PTGER4: variants seen among roughly 807,000 people sequenced by gnomAD.
The protein encoded by PTGER4 is prostaglandin E receptor 4.
PTGER4 carries 11 observed loss-of-function variants against 33.2 expected under a neutral mutation model. The observed-to-expected ratio is 0.33, with a 90% CI of 0.21 to 0.55. PTGER4 has a LOEUF of 0.55. Ranked by LOEUF, PTGER4 falls within the 20% of genes least tolerant of loss-of-function variation. PTGER4 has a pLI of 0.92. For synonymous variants in PTGER4, 275 were observed against 281.5 expected (o/e 0.98, Z 0.23); for missense variants, 481 against 650.2 (o/e 0.74, Z 2.83).
chr5:40,721,295 C>A, the PTGER4 span, among the ~76,000 whole-genome samples: 1 of 152,076 alleles, frequency 6.6e-6, no homozygotes, highest in Non-Finnish European at 1.5e-5. Flanking sequence ...AGTAAATGGA[C>A]AAAATCAATT....
the PTGER4 span, among the ~76,000 whole-genome samples, chr5:40,741,517 ACTTCTGGAG>A: frequency 1.1e-4 from 16 of 152,132 alleles, no homozygotes; most frequent in African/African-American, 3.9e-4. Context: ...GACCTCATAG[ACTTCTGGAG>A]CTTTTTCTCT....
chr5:40,685,975 G>A (rs1454395247), intron 2 of PTGER4, among the ~76,000 whole-genome samples: 1 of 152,094 alleles, frequency 6.6e-6, no homozygotes, highest in Non-Finnish European at 1.5e-5. Context: ...TCAGTGTAGA[G>A]GTTGACCTAT....
chr5:40,722,645 G>T, the PTGER4 span, among the ~76,000 whole-genome samples: 1 of 151,616 alleles, frequency 6.6e-6, no homozygotes, highest in Admixed American at 6.6e-5. Context: ...GCCCCGTCTG[G>T]GAAGTGAGGC....
At chr5:40,689,463 GA>G in intron 2 of PTGER4, among the ~76,000 whole-genome samples, 1 of 152,018 alleles carries the variant, frequency 6.6e-6, no homozygotes, top group South Asian at 2.1e-4. Flanking sequence ...TTTAAAGGAA[GA>G]AAAAAATAAT....
At chr5:40,699,194 G>GAAAA in the PTGER4 span, among the ~76,000 whole-genome samples, 13 of 144,556 alleles carry the variant, frequency 9.0e-5, no homozygotes, top group African/African-American at 3.3e-4. Flanking sequence ...AGATAAGTTG[G>GAAAA]AAAAAAAAAA....
intron 2 of PTGER4, among the ~76,000 whole-genome samples, chr5:40,685,888 G>A (rs758087084): frequency 3.3e-5 from 5 of 151,868 alleles, no homozygotes; most frequent in African/African-American, 7.3e-5. Flanking sequence ...CAGCCCTGAC[G>A]TGATTCTTGT....
At chr5:40,726,027 C>T in the PTGER4 span, among the ~76,000 whole-genome samples, 2 of 151,556 alleles carry the variant, frequency 1.3e-5, no homozygotes, top group Admixed American at 6.6e-5. Flanking sequence ...CCTTGTGATC[C>T]GCCCGCCTCG....
the PTGER4 span, among the ~76,000 whole-genome samples, chr5:40,738,239 C>G: frequency 6.6e-6 from 1 of 151,796 alleles, no homozygotes; most frequent in East Asian, 1.9e-4. Flanking sequence ...CGGTGAAACC[C>G]TGTCTCTACT....
At chr5:40,701,693 T>G in the PTGER4 span, among the ~76,000 whole-genome samples, 1 of 152,174 alleles carries the variant, frequency 6.6e-6, no homozygotes, top group Admixed American at 6.5e-5. Flanking sequence ...TCCTATAAAA[T>G]TCTGCACAAG....
the PTGER4 span, chr5:40,728,540 A>G: frequency 6.9e-7 from 1 of 1,439,580 alleles, no homozygotes; most frequent in Non-Finnish European, 9.3e-7. Flanking sequence ...CTACATAAAA[A>G]ACCCTTTTCA....
In PTGER4 at chr5:40,681,783, G is replaced by A. The variant is rs919116348; in HGVS notation, c.790G>A (p.Ala264Thr). Residue 264 changes from alanine (A) to threonine (T), a missense_variant, in exon 2 of 3, where the codon GCG becomes ACG. Ala to Thr is a moderately conservative substitution (Grantham distance 58). Coordinates refer to ENST00000302472, the MANE Select transcript of PTGER4 (RefSeq NM_000958.3). The surrounding 1 kb of genome is among the most constrained non-coding windows in gnomAD (Gnocchi z 9.8). ...GCGCCGCCGGAGCTTCCGCCGCATC[G>A]CGGGCGCCGAGATCCAGATGGTCAT... ...FRRRRSFRRIAGAEIQMVILL... is the reference protein window; with the variant it reads ...FRRRRSFRRITGAEIQMVILL... The A allele has an allele frequency of 2.5e-6, 4 of 1,595,288 alleles. No individual in the cohort carries two copies. In the African/African-American group the frequency reaches 4.2e-5, roughly 17 times the overall value.
chr5:40,718,462 C>T, the PTGER4 span, among the ~76,000 whole-genome samples: 1 of 151,112 alleles, frequency 6.6e-6, no homozygotes, highest in South Asian at 2.1e-4. Flanking sequence ...CAGTATTTGG[C>T]CAGGCGTGGT....
chr5:40,710,611 T>C, the PTGER4 span, among the ~76,000 whole-genome samples: 1 of 152,176 alleles, frequency 6.6e-6, no homozygotes, highest in East Asian at 1.9e-4. Flanking sequence ...CATGCTGCTA[T>C]AAAGACACAT....
the PTGER4 span, among the ~76,000 whole-genome samples, chr5:40,738,949 C>A: frequency 6.6e-6 from 1 of 152,158 alleles, no homozygotes; most frequent in Non-Finnish European, 1.5e-5. Flanking sequence ...GGAAACAAGT[C>A]CTACGTCAGA....
At chr5:40,721,323 A>C in the PTGER4 span, among the ~76,000 whole-genome samples, 5 of 152,194 alleles carry the variant, frequency 3.3e-5, no homozygotes, top group Non-Finnish European at 7.3e-5. Flanking sequence ...TAAGAACAAA[A>C]CTAGGGGCAT....
At chr5:40,727,149 G>GA in the PTGER4 span, among the ~76,000 whole-genome samples, 2 of 152,022 alleles carry the variant, frequency 1.3e-5, no homozygotes, top group Non-Finnish European at 2.9e-5. Flanking sequence ...AAGAATGCCA[G>GA]AAAAAAAGCT....
the PTGER4 span, among the ~76,000 whole-genome samples, chr5:40,719,993 T>C: frequency 6.6e-6 from 1 of 152,238 alleles, no homozygotes; most frequent in Non-Finnish European, 1.5e-5. Context: ...GTGAATTGCC[T>C]TTTCACTTTC....
downstream of PTGER4, among the ~76,000 whole-genome samples, chr5:40,694,050 T>A (rs1741533491): frequency 6.6e-6 from 1 of 152,058 alleles, no homozygotes; most frequent in African/African-American, 2.4e-5. Context: ...TTATTTTTAT[T>A]TTTTTATTTT....
At chr5:40,722,627 C>T in the PTGER4 span, among the ~76,000 whole-genome samples, 1 of 151,680 alleles carries the variant, frequency 6.6e-6, no homozygotes, top group Admixed American at 6.6e-5. Context: ...CCCCTCCGCC[C>T]AGCAGCTGCC....
Sources: allele counts gnomAD v4.1 joint callset (sites outside exome capture counted in the v4.1 genomes callset), GRCh38; gene constraint gnomAD v4.1.1; non-coding constraint Gnocchi (gnomAD v3.1); transcripts MANE v1.5; gene names NCBI Gene and HGNC (gene_info 2026-07-23, HGNC 2026-07-21).